The following NKX6-1 variants were observed in gnomAD, a reference collection of about 807,000 sequenced individuals.
The protein encoded by NKX6-1 is homeobox protein Nkx-6.1.
NKX6-1 carries 11 observed loss-of-function variants against 24.9 expected under a neutral mutation model. That is an observed-to-expected ratio of 0.44 (90% CI 0.28 to 0.73). The LOEUF (loss-of-function observed/expected upper bound fraction) is 0.73. Among genes scored for constraint, NKX6-1 ranks in the 30% least tolerant of loss-of-function variants. The pLI, the probability that NKX6-1 is intolerant of heterozygous loss-of-function variation, is 0.15. For synonymous variants in NKX6-1, 277 were observed against 242.9 expected, an observed-to-expected ratio of 1.14 and a Z score of -1.31; for missense variants, 487 against 502.9, an observed-to-expected ratio of 0.97 and a Z score of 0.30.
In NKX6-1 at chr4:84,493,471, A is replaced by G; in HGVS notation, c.922T>C (p.Ser308Pro). 6.2e-7 allele frequency: 1 copy of G among 1,614,246 alleles called. No individual in the cohort carries two copies. The highest frequency in any genetic ancestry group is 8.5e-7 in the Non-Finnish European group (1 of 1,180,040). Residue 308 changes from serine to proline, a missense_variant, in exon 3 of 3, where the codon TCG becomes CCG. Around this residue, in one of 3 missense-constraint regions of NKX6-1, gnomAD observed 126 missense variants for 105.5 expected, o/e 1.19. Transcript: ENST00000295886. This position sits in a 1 kb window ranked among gnomAD's most constrained non-coding sequence, Gnocchi z 5.1. ...EMATAKKKQDSETERLKGASE... is the reference protein window; with the variant it reads ...EMATAKKKQDPETERLKGASE... The stretch of plus-strand genomic sequence containing the variant: ...GCCCCCTTGAGGCGCTCTGTCTCCG[A>G]GTCCTGCTTCTTCTTGGCCGTGGCC...
At chr4:84,495,596 TG>T (rs1720801770) in intron 2 of NKX6-1, 75 bp downstream of exon 2, 1 of 1,192,876 alleles carries the variant, frequency 8.4e-7, no homozygotes, top group East Asian at 2.3e-5. Context: ...TGTGTGTGTG[TG>T]TGTGTGTGCC....
At position 84,495,768 on chromosome 4, in the gene NKX6-1, G is replaced by A. The variant is rs767150966; in HGVS notation, c.747C>T (p.Phe249=). The change falls in exon 2 of 3, where the codon TTC becomes TTT. Residue 249 remains phenylalanine, a synonymous_variant. Transcript: ENST00000295886. ...TTTGTTCGAAAGTCTTCTCCAGGGC[G>A]AAGATCTGCTGTCCGGAAAAAGTGG... ...TRPTFSGQQI[F]ALEKTFEQTK... is the part of the protein sequence containing the mutation. 6.2e-7 allele frequency: 1 copy of A among 1,614,094 alleles called. No individual in the cohort carries two copies. Among genetic ancestry groups the A allele is most frequent in the South Asian group, 1.1e-5 (1 of 91,080 alleles).
At position 84,493,568 on chromosome 4, in the gene NKX6-1, G is replaced by C. The variant is rs141975829; in HGVS notation, c.844-19C>G. The C allele has an allele frequency of 9.5e-4, 1,528 of 1,613,278 alleles. 8 individuals are homozygous for C. The African/African-American group carries it at 0.017, about 18-fold the overall frequency. ...ACCAGACCTGAGGGCGGAGAAAAGG[G>C]AGGAGAGGGGAGGCAAGGGCGAGGA... is the stretch of plus-strand genomic sequence containing the variant. On this transcript the variant is annotated intron_variant, in intron 2 of 2. Transcript: ENST00000295886. The surrounding 1 kb of genome is among the most constrained non-coding windows in gnomAD (Gnocchi z 5.1).
chr4:84,497,638 C>T lies in NKX6-1; in HGVS notation c.591G>A (p.Leu197=). ...GCCAGAAGATGGGCGTCCGGCCAGG[C>T]AGCTCAGCCAGCGGCTTGGGGTACC... The part of the protein sequence containing the change: ...VGRYPKPLAE[L]PGRTPIFWPG... The change falls in exon 1 of 3, where the codon CTG becomes CTA. Residue 197 remains leucine (L), a synonymous_variant. Transcript: ENST00000295886. The surrounding 1 kb of genome is among the most constrained non-coding windows in gnomAD (Gnocchi z 4.8). The T allele has an allele frequency of 7.8e-7, 1 of 1,283,394 alleles. No homozygotes were observed. The highest frequency in any genetic ancestry group is 3.1e-5 in the South Asian group (1 of 32,246). 79.5% of individuals were successfully genotyped at this position (1,283,394 alleles called of 1,614,324 possible).
In NKX6-1 at chr4:84,493,590, A is replaced by G. The variant is rs1720768591; in HGVS notation, c.844-41T>C. The G allele has an allele frequency of 6.2e-7, 1 of 1,610,102 alleles. No homozygotes were observed. ...AGGGAGGAGAGGGGAGGCAAGGGCG[A>G]GGAATTAAACGAGCAGATCCAGGCC... On this transcript the variant is annotated intron_variant, in intron 2 of 2. Coordinates refer to ENST00000295886, the MANE Select transcript of NKX6-1 (RefSeq NM_006168.3). The surrounding 1 kb of genome is among the most constrained non-coding windows in gnomAD (Gnocchi z 5.1).
intron 2 of NKX6-1, among the ~76,000 whole-genome samples, chr4:84,495,014 G>A (rs1366321222): frequency 6.6e-6 from 1 of 152,218 alleles, no homozygotes; most frequent in African/African-American, 2.4e-5. Context: ...ATTATAAATT[G>A]TTGTCATGAA....
At chr4:84,494,174 C>A (rs199607713) in intron 2 of NKX6-1, among the ~76,000 whole-genome samples, 1,523 of 105,806 alleles carry the variant, frequency 0.014, no homozygotes, top group Non-Finnish European at 0.016. Flanking sequence ...TGGTGCACTT[C>A]AAAAAAAAAA....
chr4:84,497,951 G>T lies in NKX6-1; in HGVS notation c.278C>A (p.Ala93Asp). Residue 93 changes from alanine (A) to aspartate (D), a missense_variant, in exon 1 of 3, where the codon GCC (alanine) becomes GAC (aspartate). By Grantham distance (126) the Ala-to-Asp change is moderately radical. Coordinates refer to ENST00000295886, the MANE Select transcript of NKX6-1 (RefSeq NM_006168.3). The surrounding 1 kb of genome is among the most constrained non-coding windows in gnomAD (Gnocchi z 4.8). ...LGSPPQQLSA[A>D]TPHGINDILS... The stretch of plus-strand genomic sequence containing the variant: ...GATATCGTTGATGCCGTGTGGGGTG[G>T]CGGCCGAGAGCTGCTGCGGGGGGCT... 7.7e-7 allele frequency: 1 copy of T among 1,300,092 alleles called. No homozygotes were observed. The highest frequency in any genetic ancestry group is 9.8e-7 in the Non-Finnish European group (1 of 1,020,536). 80.5% of individuals were successfully genotyped at this position (1,300,092 alleles called of 1,614,324 possible). A position where few individuals can be genotyped will look rare whatever the true frequency, so the allele number is the denominator to read the frequency against.
At chr4:84,494,795 T>C (rs1032818684) in intron 2 of NKX6-1, among the ~76,000 whole-genome samples, 1 of 151,950 alleles carries the variant, frequency 6.6e-6, no homozygotes, top group Non-Finnish European at 1.5e-5. Flanking sequence ...GAAGCAACAA[T>C]AGAACTAATG....
In NKX6-1 at chr4:84,497,032, A is replaced by G. The variant is rs1720833942; in HGVS notation, c.670+527T>C. ...ACCCCAGGCGGAGACGTGCATGCAA[A>G]TACACTCACTTCCCGGGCGGTGGAG... On this transcript the variant is annotated intron_variant, in intron 1 of 2. Transcript: ENST00000295886. The surrounding 1 kb of genome is among the most constrained non-coding windows in gnomAD (Gnocchi z 4.8). 6.5e-6 allele frequency: 1 copy of G among 152,750 alleles called. No individual in the cohort carries two copies. Among genetic ancestry groups the G allele is most frequent in the African/African-American group, 2.4e-5 (1 of 41,460 alleles). The allele number at this position is 152,750 out of a possible 1,614,324, so 9.5% of individuals were successfully genotyped here. A position where few individuals can be genotyped will look rare whatever the true frequency, so the allele number is the denominator to read the frequency against.
At position 84,493,198 on chromosome 4, in the gene NKX6-1, G is replaced by A. The variant is rs1021002928; in HGVS notation, c.*91C>T. The A allele has an allele frequency of 1.6e-6, 2 of 1,228,990 alleles. No individual in the cohort carries two copies. Among genetic ancestry groups the A allele is most frequent in the East Asian group, 6.2e-5 (2 of 32,270 alleles). 76.1% of individuals were successfully genotyped at this position (1,228,990 alleles called of 1,614,324 possible). ...GGCCGGGTCCTCCGGGCCCCGAGGA[G>A]CGGGCAGGCGCGGCGTGCACGCGGT... is the stretch of plus-strand genomic sequence containing the variant. On this transcript the variant is annotated 3_prime_UTR_variant, in exon 3 of 3. Transcript: ENST00000295886. This position sits in a 1 kb window ranked among gnomAD's most constrained non-coding sequence, Gnocchi z 5.1.
chr4:84,497,419 C>G lies in NKX6-1; in HGVS notation c.670+140G>C, dbSNP rs1382901210. On this transcript the variant is annotated intron_variant, in intron 1 of 2. Coordinates refer to ENST00000295886, the MANE Select transcript of NKX6-1 (RefSeq NM_006168.3). This position sits in a 1 kb window ranked among gnomAD's most constrained non-coding sequence, Gnocchi z 4.8. ...TTCTGGAAGCCCTGGCCCAACCTAA[C>G]TGGTGTGATTCCGGCGCTGTCAAAC... 1.7e-6 allele frequency: 2 copies of G among 1,173,364 alleles called. No homozygotes were observed. Among genetic ancestry groups the G allele is most frequent in the Non-Finnish European group, 2.2e-6 (2 of 926,806 alleles). 72.7% of individuals were successfully genotyped at this position (1,173,364 alleles called of 1,614,324 possible). A position where few individuals can be genotyped will look rare whatever the true frequency, so the allele number is the denominator to read the frequency against.
intron 2 of NKX6-1, among the ~76,000 whole-genome samples, chr4:84,494,595 G>A (rs1379410712): frequency 1.3e-5 from 2 of 151,996 alleles, no homozygotes; most frequent in East Asian, 1.9e-4. Flanking sequence ...ACATATTTAC[G>A]GTGAAAAATG....
intron 1 of NKX6-1, chr4:84,496,614 C>T (rs1720826728): frequency 6.6e-6 from 1 of 152,300 alleles, no homozygotes; most frequent in South Asian, 2.1e-4. Flanking sequence ...AGAAAAGGAC[C>T]CCAGGCTGGG....
Position 84,498,787 on chromosome 4 carries a change from C to T in NKX6-1, c.-559G>A, listed in dbSNP as rs1720882998. ...TCGCGCGGCTGATTCGCATTCGACG[C>T]TCACTGTGCCCGGGGAGAAAGCGCA... On this transcript the variant is annotated 5_prime_UTR_variant, in exon 1 of 3. Coordinates refer to ENST00000295886, the MANE Select transcript of NKX6-1 (RefSeq NM_006168.3). Among the ~76,000 whole-genome samples, 1 of 152,186 alleles carries T rather than the reference C, an allele frequency of 6.6e-6. No homozygotes were observed. The highest frequency in any genetic ancestry group is 1.5e-5 in the Non-Finnish European group (1 of 68,020).
intron 1 of NKX6-1, among the ~76,000 whole-genome samples, 188 bp from the exon 2 acceptor site, chr4:84,496,032 C>T (rs1720812211): frequency 1.3e-5 from 2 of 152,178 alleles, no homozygotes. Flanking sequence ...TTTACATCCA[C>T]CTGTTTTTTA....
Position 84,495,656 on chromosome 4 carries a change from T to C in NKX6-1, c.843+16A>G, listed in dbSNP as rs1446713995. 2.3e-5 allele frequency: 37 copies of C among 1,609,214 alleles called. No homozygotes were observed. Among genetic ancestry groups the C allele is most frequent in the Non-Finnish European group, 3.1e-5 (36 of 1,177,516 alleles). On this transcript the variant is annotated intron_variant, in intron 2 of 2. Transcript: ENST00000295886. ...GGGGCGGTACCTATCCCTCCAGGTA[T>C]GCAAGGTCCACTCACCTTGACCTGA...
At chr4:84,495,943 G>A in intron 1 of NKX6-1, 99 bp from the exon 2 acceptor site, 1 of 1,220,820 alleles carries the variant, frequency 8.2e-7, no homozygotes, top group Non-Finnish European at 1.2e-6. Flanking sequence ...ATGTTTTGTG[G>A]GGAAAGAAAG....
In NKX6-1 at chr4:84,498,345, C is replaced by T; in HGVS notation, c.-117G>A. The stretch of plus-strand genomic sequence containing the variant: ...CGAGCGGAGAGGCACTCGGCGCGCC[C>T]GGAGGCGAGCTGCCAACTGAACCAA... On this transcript the variant is annotated 5_prime_UTR_variant, in exon 1 of 3. Coordinates refer to ENST00000295886, the MANE Select transcript of NKX6-1 (RefSeq NM_006168.3). 2.6e-6 allele frequency: 3 copies of T among 1,154,646 alleles called. No homozygotes were observed. Among genetic ancestry groups the T allele is most frequent in the Non-Finnish European group, 3.3e-6 (3 of 914,962 alleles). 71.5% of individuals were successfully genotyped at this position (1,154,646 alleles called of 1,614,324 possible).
Sources: allele counts gnomAD v4.1 joint callset (sites outside exome capture counted in the v4.1 genomes callset), GRCh38; gene constraint gnomAD v4.1.1; regional missense constraint gnomAD v4.1.1; non-coding constraint Gnocchi (gnomAD v3.1); transcripts MANE v1.5; gene names NCBI Gene and HGNC (gene_info 2026-07-23, HGNC 2026-07-21).